Variants in NDUFA9 observed in about 807,000 individuals in gnomAD.
NDUFA9 encodes the protein NADH:ubiquinone oxidoreductase subunit A9, also known as NADH dehydrogenase [ubiquinone] 1 alpha subcomplex subunit 9, mitochondrial.
NDUFA9 carries 23 observed loss-of-function variants against 45.9 expected under a neutral mutation model. The ratio of observed to expected loss-of-function variants is 0.50; its 90% CI spans 0.36 to 0.71. NDUFA9 has a LOEUF of 0.71. Ranked by LOEUF, NDUFA9 falls within the 30% of genes least tolerant of loss-of-function variation. The pLI is 0.00. For missense variants in NDUFA9, 466 were observed against 488.2 expected (o/e 0.95, Z 0.43); for synonymous variants, 176 against 170.5 (o/e 1.03, Z -0.25).
intron 8 of NDUFA9, among the ~76,000 whole-genome samples, chr12:4,672,736 A>C (rs1862078390): frequency 6.6e-6 from 1 of 152,144 alleles, no homozygotes; most frequent in African/African-American, 2.4e-5. Context: ...CAAGTCAGGG[A>C]CTTATAGATA....
intron 8 of NDUFA9, among the ~76,000 whole-genome samples, chr12:4,676,670 A>G (rs1945921824): frequency 6.6e-6 from 1 of 152,180 alleles, no homozygotes; most frequent in Non-Finnish European, 1.5e-5. Flanking sequence ...AAATGGAAAA[A>G]CATTCCATGA....
intron 3 of NDUFA9, among the ~76,000 whole-genome samples, chr12:4,656,739 A>G (rs78935995): frequency 3.5e-4 from 54 of 152,350 alleles, no homozygotes; most frequent in Non-Finnish European, 6.0e-4. Flanking sequence ...AATCGTCATA[A>G]TAACCTCGTG....
At chr12:4,672,902 C>A (rs528322194) in intron 8 of NDUFA9, among the ~76,000 whole-genome samples, 2 of 152,352 alleles carry the variant, frequency 1.3e-5, no homozygotes, top group African/African-American at 4.8e-5. Context: ...ACTGCCTCCT[C>A]AAGTGGATCC....
Position 4,679,767 on chromosome 12 carries a change from A to G in NDUFA9, c.801-2438A>G, listed in dbSNP as rs75166544. ...GGAGCAAAGGAAACGGGTAAAGAGA[A>G]GGCTATGAAACATGAATGTCTTGTC... On this transcript the variant is annotated intron_variant, in intron 8 of 10. Coordinates refer to ENST00000266544, the MANE Select transcript of NDUFA9 (RefSeq NM_005002.5). Among the ~76,000 whole-genome samples the G allele has an allele frequency of 8.2e-3, 1,252 of 152,292 alleles. 18 individuals are homozygous for G. The highest frequency in any genetic ancestry group is 0.028 in the African/African-American group (1,169 of 41,558).
rs147407002 is a variant in NDUFA9 at position 4,687,105 on chromosome 12, T to G, written c.1131T>G (p.Ile377Met). 582 of 1,614,116 alleles carry G rather than the reference T, an allele frequency of 3.6e-4. 4 individuals are homozygous for G. In the African/African-American group the frequency reaches 6.9e-3, roughly 19 times the overall value. The change falls in exon 11 of 11, where the codon ATT (isoleucine) becomes ATG (methionine). Residue 377 changes from isoleucine to methionine, a missense_variant. Coordinates refer to ENST00000266544, the MANE Select transcript of NDUFA9 (RefSeq NM_005002.5). ...TGAAGCCGGCCAAGACCGTCAACAT[T>G]TAGTGCCTCCTGAGCAGCTCTTGGT... ...EDVKPAKTVN[I>M] is the part of the protein sequence containing the mutation.
chr12:4,650,236 G>A (rs1036182745), intron 1 of NDUFA9, among the ~76,000 whole-genome samples: 2 of 151,998 alleles, frequency 1.3e-5, no homozygotes, highest in African/African-American at 4.8e-5. Context: ...AGTGTTTAGA[G>A]GATCCTTTTT....
At chr12:4,682,877 G>A (rs570031835) in intron 9 of NDUFA9, among the ~76,000 whole-genome samples, 55 of 152,284 alleles carry the variant, frequency 3.6e-4, no homozygotes, top group African/African-American at 1.3e-3. Flanking sequence ...GACCAGCCTG[G>A]GCAATATAGC....
intron 8 of NDUFA9, among the ~76,000 whole-genome samples, chr12:4,677,618 T>A (rs554098097): frequency 6.6e-6 from 1 of 152,328 alleles, no homozygotes; most frequent in South Asian, 2.1e-4. Flanking sequence ...CCAGTTAGGA[T>A]GGCAATCATT....
chr12:4,649,182 G>A lies in NDUFA9; in HGVS notation c.49+7G>A. On this transcript the variant is annotated splice_region_variant and intron_variant, in intron 1 of 10. Coordinates refer to ENST00000266544, the MANE Select transcript of NDUFA9 (RefSeq NM_005002.5). The stretch of plus-strand genomic sequence containing the variant: ...CGGGTCCTGTCAATGTCACGTAAGT[G>A]TTACCGGGAACGGCGGCCCCTGGTC... 6.2e-7 allele frequency: 1 copy of A among 1,602,632 alleles called. No individual in the cohort carries two copies. Among genetic ancestry groups the A allele is most frequent in the Non-Finnish European group, 8.5e-7 (1 of 1,174,602 alleles).
intron 7 of NDUFA9, among the ~76,000 whole-genome samples, chr12:4,669,462 T>C (rs180845749): frequency 1.3e-5 from 2 of 152,264 alleles, no homozygotes; most frequent in East Asian, 3.9e-4. Context: ...CTACAGAAAA[T>C]ACTTGGATGA....
intron 8 of NDUFA9, among the ~76,000 whole-genome samples, chr12:4,678,858 G>A (rs958049694): frequency 1.3e-5 from 2 of 152,114 alleles, no homozygotes; most frequent in Non-Finnish European, 2.9e-5. Flanking sequence ...TTAGAAAACA[G>A]TTTGGCATCT....
intron 4 of NDUFA9, 54 bp from the exon 5 acceptor site, chr12:4,658,982 T>G: frequency 2.0e-6 from 3 of 1,521,556 alleles, no homozygotes; most frequent in Non-Finnish European, 2.7e-6. Flanking sequence ...ACGTAAAGCT[T>G]TGAGATCCTG....
At chr12:4,685,541 T>C (rs1260949973) in intron 10 of NDUFA9, among the ~76,000 whole-genome samples, 12 of 152,114 alleles carry the variant, frequency 7.9e-5, no homozygotes, top group Admixed American at 1.3e-4. Context: ...TTTCTTTCTC[T>C]GCTTGATCAC....
In NDUFA9 at chr12:4,673,549, G is replaced by A. The variant is rs147512132; in HGVS notation, c.800+3732G>A. Among the ~76,000 whole-genome samples the A allele has an allele frequency of 5.3e-3, 805 of 152,272 alleles. 5 individuals are homozygous for A. Among genetic ancestry groups the A allele is most frequent in the Non-Finnish European group, 8.3e-3 (567 of 68,020 alleles). Reference sequence around the variant, plus strand: ...GAAGCATACACAAGTATCAATAGCCGAATCGATCAGGTGGAAGAAAGCATA... The same window carrying A: ...GAAGCATACACAAGTATCAATAGCCAAATCGATCAGGTGGAAGAAAGCATA... On this transcript the variant is annotated intron_variant, in intron 8 of 10. Coordinates refer to ENST00000266544, the MANE Select transcript of NDUFA9 (RefSeq NM_005002.5).
At chr12:4,677,762 T>A (rs563854550) in intron 8 of NDUFA9, among the ~76,000 whole-genome samples, 1 of 152,282 alleles carries the variant, frequency 6.6e-6, no homozygotes, top group African/African-American at 2.4e-5. Flanking sequence ...GAAATACCAT[T>A]TGACCCAGTA....
chr12:4,665,569 C>G (rs1945848152), intron 6 of NDUFA9, among the ~76,000 whole-genome samples: 1 of 152,112 alleles, frequency 6.6e-6, no homozygotes, highest in Non-Finnish European at 1.5e-5. Flanking sequence ...TCCCTGATTT[C>G]AGTTATTTGG....
Position 4,673,296 on chromosome 12 carries a change from C to T in NDUFA9, c.800+3479C>T, listed in dbSNP as rs149572107. ...GCAGAAAGGCTGAAAATTCCAAAAA[C>T]CAGAAAGCCTCTTTTCCTCCAAAGG... On this transcript the variant is annotated intron_variant, in intron 8 of 10. Transcript: ENST00000266544. Among the ~76,000 whole-genome samples the T allele has an allele frequency of 2.6e-5, 4 of 152,262 alleles. No homozygotes were observed. The East Asian group carries it at 7.7e-4, about 29-fold the overall frequency.
chr12:4,676,941 A>G (rs1033580301), intron 8 of NDUFA9, among the ~76,000 whole-genome samples: 1 of 152,246 alleles, frequency 6.6e-6, no homozygotes, highest in Non-Finnish European at 1.5e-5. Context: ...CGGTACTGGT[A>G]CCAAAACAGG....
In NDUFA9 at chr12:4,689,827, C is replaced by T. The variant is rs1392493766; in HGVS notation, c.*2719C>T. 2 of 171,522 alleles carry T rather than the reference C, an allele frequency of 1.2e-5. No homozygotes were observed. Among genetic ancestry groups the T allele is most frequent in the Non-Finnish European group, 2.4e-5 (2 of 81,946 alleles). The allele number at this position is 171,522 out of a possible 1,614,324, so 10.6% of individuals were successfully genotyped here. On this transcript the variant is annotated 3_prime_UTR_variant, in exon 11 of 11. Coordinates refer to ENST00000266544, the MANE Select transcript of NDUFA9 (RefSeq NM_005002.5). ...TGAGCTGTTGGGTACACCTCCCAGACGTGGTGGTGGCCGGGCAGAGGGGCT... is the reference window on the plus strand; with the variant it reads ...TGAGCTGTTGGGTACACCTCCCAGATGTGGTGGTGGCCGGGCAGAGGGGCT...
Sources: allele counts gnomAD v4.1 joint callset (sites outside exome capture counted in the v4.1 genomes callset), GRCh38; gene constraint gnomAD v4.1.1; transcripts MANE v1.5; gene names NCBI Gene and HGNC (gene_info 2026-07-23, HGNC 2026-07-21).